Variants in AKT3 observed in about 807,000 individuals in gnomAD.
AKT3 encodes the protein AKT serine/threonine kinase 3, also known as RAC-gamma serine/threonine-protein kinase.
AKT3 carries 15 observed loss-of-function variants against 65.3 expected under a neutral mutation model. The observed-to-expected ratio is 0.23, with a 90% confidence interval of 0.15 to 0.35. The LOEUF (loss-of-function observed/expected upper bound fraction) is 0.35. AKT3 is among the 10% of genes least tolerant of loss of function. The pLI, the probability that AKT3 is intolerant of heterozygous loss-of-function variation, is 1.00. For synonymous variants in AKT3, 206 were observed against 183.8 expected (o/e 1.12, Z -0.98); for missense variants, 243 against 576.5 (o/e 0.42, Z 5.92).
intron 13 of AKT3, among the ~76,000 whole-genome samples, chr1:243,491,720 G>A (rs1666455813): frequency 2.6e-5 from 4 of 152,310 alleles, no homozygotes; most frequent in Admixed American, 1.3e-4. Flanking sequence ...GTAGGTTCGA[G>A]CAGGTATTTT....
chr1:243,759,447 G>A (rs1332437324), intron 2 of AKT3, among the ~76,000 whole-genome samples: 1 of 151,700 alleles, frequency 6.6e-6, no homozygotes, highest in Non-Finnish European at 1.5e-5. Context: ...ATATCATAAA[G>A]TACAATAAAA....
intron 6 of AKT3, among the ~76,000 whole-genome samples, chr1:243,621,060 T>A (rs1558659599): frequency 6.6e-6 from 1 of 152,146 alleles, no homozygotes; most frequent in Non-Finnish European, 1.5e-5. Context: ...CTTAGGTCAC[T>A]CTTCAATTTC....
intron 12 of AKT3, among the ~76,000 whole-genome samples, chr1:243,529,136 T>C (rs1671346324): frequency 1.3e-5 from 2 of 151,748 alleles, no homozygotes; most frequent in African/African-American, 4.9e-5. Flanking sequence ...CCTTGCCCAC[T>C]TTGTAATGGA....
intron 3 of AKT3, among the ~76,000 whole-genome samples, chr1:243,675,741 G>T (rs1232048931): frequency 6.6e-6 from 1 of 151,768 alleles, no homozygotes; most frequent in African/African-American, 2.4e-5. Flanking sequence ...GATGTTCTTG[G>T]CTCCCTATCC....
chr1:243,653,723 T>C (rs1681551449), intron 4 of AKT3, among the ~76,000 whole-genome samples: 1 of 152,166 alleles, frequency 6.6e-6, no homozygotes, highest in African/African-American at 2.4e-5. Flanking sequence ...AATTGCCCAT[T>C]TTTATCCCTT....
chr1:243,582,313 A>G (rs1675423937), intron 8 of AKT3, among the ~76,000 whole-genome samples: 1 of 151,844 alleles, frequency 6.6e-6, no homozygotes, highest in Non-Finnish European at 1.5e-5. Context: ...CAAGGTCAAC[A>G]CTAAAGAAAA....
At chr1:243,529,262 C>A (rs1671361711) in intron 12 of AKT3, among the ~76,000 whole-genome samples, 1 of 150,434 alleles carries the variant, frequency 6.6e-6, no homozygotes, top group Non-Finnish European at 1.5e-5. Context: ...GGTCTGTTTA[C>A]TCTGCTGATA....
chr1:243,807,813 C>T lies in AKT3; in HGVS notation c.46+35312G>A, dbSNP rs184451999. The stretch of plus-strand genomic sequence containing the variant: ...GGGGCAGACTGACACCTCACACGGC[C>T]GGGCACCCCTCTGAGACGAAACTTC... On this transcript the variant is annotated intron_variant, in intron 2 of 13. Coordinates refer to ENST00000673466, the MANE Select transcript of AKT3 (RefSeq NM_005465.7). Among the ~76,000 whole-genome samples the T allele has an allele frequency of 2.2e-4, 34 of 152,222 alleles. 1 individual carries two copies. The highest frequency in any genetic ancestry group is 6.5e-4 in the African/African-American group (27 of 41,528).
intron 5 of AKT3, among the ~76,000 whole-genome samples, chr1:243,641,538 T>C (rs1203235099): frequency 1.3e-5 from 2 of 151,970 alleles, no homozygotes; most frequent in African/African-American, 4.8e-5. Context: ...AATTGAATTA[T>C]TGGGGGGTAA....
In AKT3 at chr1:243,550,663, C is replaced by A. The variant is rs972727966; in HGVS notation, c.1163+2066G>T. Among the ~76,000 whole-genome samples, 11 of 151,314 alleles carry A rather than the reference C, an allele frequency of 7.3e-5. No homozygotes were observed. The East Asian group carries it at 1.9e-3, about 27-fold the overall frequency. On this transcript the variant is annotated intron_variant, in intron 11 of 13. Coordinates refer to ENST00000673466, the MANE Select transcript of AKT3 (RefSeq NM_005465.7). ...ACCAAAAAATGAAATAGATAAAAGT[C>A]GGCTGGACACGGTGGCTCATGCCTG...
At chr1:243,748,620 A>AT (rs1688619594) in intron 2 of AKT3, among the ~76,000 whole-genome samples, 1 of 152,214 alleles carries the variant, frequency 6.6e-6, no homozygotes, top group East Asian at 1.9e-4. Flanking sequence ...GTTCACTGAG[A>AT]AATACTATTT....
intron 2 of AKT3, among the ~76,000 whole-genome samples, chr1:243,813,520 A>C (rs183957855): frequency 2.0e-4 from 30 of 152,210 alleles, no homozygotes; most frequent in Admixed American, 3.9e-4. Context: ...CATAATAAAA[A>C]AAAAATTAGA....
intron 2 of AKT3, among the ~76,000 whole-genome samples, chr1:243,823,519 T>C (rs543638693): frequency 5.3e-5 from 8 of 152,158 alleles, no homozygotes; most frequent in African/African-American, 1.9e-4. Flanking sequence ...ATCTGGAAAA[T>C]CCCATCATCT....
At chr1:243,720,789 G>T (rs965980620) in intron 2 of AKT3, among the ~76,000 whole-genome samples, 1 of 151,974 alleles carries the variant, frequency 6.6e-6, no homozygotes, top group Non-Finnish European at 1.5e-5. Context: ...TATTTTTTAC[G>T]TATTCCCAGA....
At chr1:243,527,344 G>A (rs934264405) in intron 12 of AKT3, among the ~76,000 whole-genome samples, 3 of 152,048 alleles carry the variant, frequency 2.0e-5, no homozygotes, top group African/African-American at 7.2e-5. Context: ...CTTTTCTGAA[G>A]GAAATCTCTG....
At chr1:243,544,288 T>C (rs1301172530) in intron 12 of AKT3, among the ~76,000 whole-genome samples, 3 of 132,638 alleles carry the variant, frequency 2.3e-5, no homozygotes, top group African/African-American at 8.5e-5. Flanking sequence ...GGGACAGACA[T>C]AATAATTTCC....
chr1:243,608,624 T>C (rs866481640), intron 8 of AKT3, among the ~76,000 whole-genome samples: 6 of 152,112 alleles, frequency 3.9e-5, no homozygotes, highest in African/African-American at 7.2e-5. Flanking sequence ...TCTTGGTATA[T>C]GTGTGGATTG....
chr1:243,826,770 T>C (rs560670616), intron 2 of AKT3, among the ~76,000 whole-genome samples: 4 of 152,342 alleles, frequency 2.6e-5, no homozygotes, highest in African/African-American at 9.6e-5. Context: ...TTGTTACTGT[T>C]GGCTAGGTTT....
intron 11 of AKT3, among the ~76,000 whole-genome samples, chr1:243,552,022 G>A (rs1250966070): frequency 1.3e-5 from 2 of 152,092 alleles, no homozygotes; most frequent in Non-Finnish European, 2.9e-5. Context: ...GGGTGCGGTG[G>A]CTCACGACTG....
Sources: gnomAD v4.1 joint callset for allele counts (sites outside exome capture counted in the v4.1 genomes callset) on GRCh38, gnomAD v4.1.1 for gene constraint, MANE v1.5 for transcripts, NCBI Gene and HGNC (gene_info 2026-07-23, HGNC 2026-07-21) for gene names.